ITGA1: variants seen among roughly 807,000 people sequenced by gnomAD.
ITGA1 encodes integrin subunit alpha 1, also known as integrin alpha-1.
Under a neutral mutation model 145.9 loss-of-function variants are expected in ITGA1, and 85 were observed. The observed-to-expected ratio is 0.58, with a 90% CI of 0.49 to 0.70. ITGA1 has a LOEUF of 0.70. ITGA1 is among the 30% of genes least tolerant of loss of function. The pLI, the probability that ITGA1 is intolerant of heterozygous loss-of-function variation, is 0.00. For missense variants in ITGA1, 1,351 were observed against 1,418.7 expected (o/e 0.95, Z 0.77); for synonymous variants, 520 against 495.3 (o/e 1.05, Z -0.66).
intron 2 of ITGA1, among the ~76,000 whole-genome samples, chr5:52,857,312 G>A (rs1289208583): frequency 6.6e-6 from 1 of 151,984 alleles, no homozygotes; most frequent in Non-Finnish European, 1.5e-5. Flanking sequence ...TCTCCTTCTG[G>A]ATCCACCCTG....
intron 1 of ITGA1, chr5:52,800,454 C>G: frequency 6.2e-7 from 1 of 1,614,024 alleles, no homozygotes; most frequent in Non-Finnish European, 8.5e-7. Flanking sequence ...CCCTGGTCCC[C>G]GAGGAGCCTG....
rs1449910551 is a variant in ITGA1, at chr5:52,864,936, C to T, written c.385-35C>T. 3.8e-6 allele frequency: 6 copies of T among 1,570,810 alleles called. No homozygotes were observed. The South Asian group carries it at 6.8e-5, about 18-fold the overall frequency. ...TAAGATCTGTTATATAATTTTCAGT[C>T]TAATGATTTCTAATTTTAAAACAAT... On this transcript the variant is annotated intron_variant, in intron 4 of 28. Transcript: ENST00000282588.
At chr5:52,946,840 T>C (rs568487180) in intron 27 of ITGA1, among the ~76,000 whole-genome samples, 11 of 152,318 alleles carry the variant, frequency 7.2e-5, no homozygotes, top group African/African-American at 2.6e-4. Flanking sequence ...TGAATACATA[T>C]GCAAACATTC....
At chr5:52,854,349 A>C (rs1248684847) in intron 2 of ITGA1, among the ~76,000 whole-genome samples, 6 of 152,272 alleles carry the variant, frequency 3.9e-5, no homozygotes, top group Admixed American at 3.9e-4. Context: ...TCTGTAACAG[A>C]TTTTAATATG....
rs999394146 is a variant in ITGA1, at chr5:52,788,336, G to A, written c.-18G>A. On this transcript the variant is annotated 5_prime_UTR_variant, in exon 1 of 29. Coordinates refer to ENST00000282588, the MANE Select transcript of ITGA1 (RefSeq NM_181501.2). ...CTGCGAACCAGCGCGGCCCCCTGGC[G>A]CTGAGGCTGCTCCGGCCATGGCCCC... 24 of 1,497,258 alleles carry A rather than the reference G, an allele frequency of 1.6e-5. No individual in the cohort carries two copies. Among genetic ancestry groups the A allele is most frequent in the Non-Finnish European group, 2.1e-5 (24 of 1,129,056 alleles). 92.7% of individuals were successfully genotyped at this position (1,497,258 alleles called of 1,614,324 possible).
At chr5:52,831,049 C>A (rs1456454597) in intron 1 of ITGA1, among the ~76,000 whole-genome samples, 1 of 152,134 alleles carries the variant, frequency 6.6e-6, no homozygotes, top group Non-Finnish European at 1.5e-5. Flanking sequence ...GCTTTTAACA[C>A]AGAGAGTTTC....
intron 26 of ITGA1, among the ~76,000 whole-genome samples, chr5:52,942,749 G>A (rs183897506): frequency 0.038 from 5,644 of 148,612 alleles, 126 homozygotes; most frequent in African/African-American, 0.052. Context: ...CACTGTGTTA[G>A]CCAGGATGGT....
chr5:52,900,170 A>G (rs776323164), intron 11 of ITGA1, among the ~76,000 whole-genome samples: 29 of 152,208 alleles, frequency 1.9e-4, no homozygotes, highest in Admixed American at 5.2e-4. Flanking sequence ...TGGGGATTAG[A>G]TTAGATATCT....
intron 26 of ITGA1, among the ~76,000 whole-genome samples, chr5:52,943,941 C>T (rs1331150310): frequency 3.3e-5 from 5 of 152,162 alleles, no homozygotes; most frequent in Non-Finnish European, 7.3e-5. Context: ...TCAGGTGGGG[C>T]GCAGCACCCA....
intron 1 of ITGA1, among the ~76,000 whole-genome samples, chr5:52,791,093 TACA>T (rs777192847): frequency 1.2e-4 from 18 of 152,196 alleles, no homozygotes; most frequent in Admixed American, 9.8e-4. Context: ...ATTAGCTCCT[TACA>T]ACGTTTACTA....
rs531010339 is a variant in ITGA1, at chr5:52,929,693, T to G, written c.2763T>G (p.Ser921Arg). The stretch of plus-strand genomic sequence containing the variant: ...TGGAAAATGTGACCATTTATTTAAG[T>G]GCAACAAGGTTGGTTTACATGTGTA... ...YLMENVTIYL[S>R]ATSDSEEPPE... is the part of the protein sequence containing the mutation. The change falls in exon 21 of 29, where the codon AGT becomes AGG. Residue 921 changes from serine to arginine, a missense_variant. Physicochemically the swap from Ser to Arg is moderately radical, Grantham distance 110. Transcript: ENST00000282588. The G allele has an allele frequency of 3.2e-6, 5 of 1,580,000 alleles. No individual in the cohort carries two copies. In the Admixed American group the frequency reaches 6.8e-5, roughly 22 times the overall value.
chr5:52,930,121 C>T (rs185964762), intron 21 of ITGA1, among the ~76,000 whole-genome samples: 25 of 152,214 alleles, frequency 1.6e-4, no homozygotes, highest in Admixed American at 9.8e-4. Context: ...TCAAATCAGT[C>T]AGTACTTCTG....
At chr5:52,797,275 A>G (rs574300887) in intron 1 of ITGA1, among the ~76,000 whole-genome samples, 1 of 152,200 alleles carries the variant, frequency 6.6e-6, no homozygotes, top group Admixed American at 6.5e-5. Context: ...AGGCACACTG[A>G]TATTTTTTAA....
intron 11 of ITGA1, among the ~76,000 whole-genome samples, chr5:52,899,170 A>G (rs1289028211): frequency 6.6e-6 from 1 of 152,220 alleles, no homozygotes; most frequent in Non-Finnish European, 1.5e-5. Flanking sequence ...CTGGGAATAA[A>G]GTGATAAAGA....
intron 17 of ITGA1, among the ~76,000 whole-genome samples, chr5:52,922,342 T>C (rs1283751095): frequency 1.3e-5 from 2 of 152,014 alleles, no homozygotes; most frequent in East Asian, 3.9e-4. Context: ...AACTTATAGC[T>C]GTAGGTATAT....
intron 1 of ITGA1, among the ~76,000 whole-genome samples, chr5:52,791,767 AAAAAG>A (rs1054022586): frequency 3.9e-5 from 6 of 152,360 alleles, no homozygotes; most frequent in African/African-American, 7.2e-5. Flanking sequence ...TAGCCTTGAA[AAAAAG>A]AAAAGAAAAA....
chr5:52,803,357 C>T (rs950451432), intron 1 of ITGA1: 9 of 152,022 alleles, frequency 5.9e-5, no homozygotes, highest in Non-Finnish European at 1.0e-4. Context: ...AAATATGTTA[C>T]TAAATAATTT....
chr5:52,835,076 CT>C (rs933450823), intron 1 of ITGA1, among the ~76,000 whole-genome samples: 3 of 152,128 alleles, frequency 2.0e-5, no homozygotes, highest in Non-Finnish European at 2.9e-5. Flanking sequence ...CTTCCACTTA[CT>C]TTTTTTGGGC....
intron 9 of ITGA1, among the ~76,000 whole-genome samples, chr5:52,894,168 A>G (rs1449911264): frequency 6.6e-6 from 1 of 152,150 alleles, no homozygotes. Context: ...TAGATTTGGA[A>G]AATGAGGGTA....
Sources: gnomAD v4.1 joint callset for allele counts (sites outside exome capture counted in the v4.1 genomes callset) on GRCh38, gnomAD v4.1.1 for gene constraint, MANE v1.5 for transcripts, NCBI Gene and HGNC (gene_info 2026-07-23, HGNC 2026-07-21) for gene names.